The following SLC23A2 variants were observed in gnomAD, a reference collection of about 807,000 sequenced individuals.
SLC23A2 encodes solute carrier family 23 member 2, also known as Na(+)/L-ascorbic acid transporter 2.
SLC23A2 carries 36 observed loss-of-function variants against 73.3 expected under a neutral mutation model. That is an observed-to-expected ratio of 0.49 (90% CI 0.38 to 0.65). SLC23A2 has a LOEUF of 0.65. Ranked by LOEUF, SLC23A2 falls within the 30% of genes least tolerant of loss-of-function variation. The pLI is 0.00. For missense variants in SLC23A2, 507 were observed against 841.6 expected, an observed-to-expected ratio of 0.60 and a Z score of 4.92; for synonymous variants, 343 against 327.3, an observed-to-expected ratio of 1.05 and a Z score of -0.52.
At chr20:4,951,109 G>T (rs1447873983) in intron 2 of SLC23A2, among the ~76,000 whole-genome samples, 1 of 152,170 alleles carries the variant, frequency 6.6e-6, no homozygotes, top group Non-Finnish European at 1.5e-5. Context: ...AGGACATGCT[G>T]TGAAGACTCT....
chr20:4,924,922 C>T (rs185975187), intron 3 of SLC23A2, among the ~76,000 whole-genome samples: 4 of 152,322 alleles, frequency 2.6e-5, no homozygotes, highest in Admixed American at 2.6e-4. Flanking sequence ...AAGTGGCTCC[C>T]ACCTGTAATC....
At chr20:4,938,678 T>G (rs746650103) in intron 2 of SLC23A2, among the ~76,000 whole-genome samples, 2 of 152,190 alleles carry the variant, frequency 1.3e-5, no homozygotes, top group African/African-American at 4.8e-5. Context: ...AGTAGCATGA[T>G]GCTTCAACAG....
intron 2 of SLC23A2, among the ~76,000 whole-genome samples, chr20:4,961,311 T>C (rs1480678575): frequency 6.6e-6 from 1 of 152,022 alleles, no homozygotes; most frequent in Non-Finnish European, 1.5e-5. Flanking sequence ...TCGATCTCCC[T>C]GACCTCATGA....
At position 4,899,448 on chromosome 20, in the gene SLC23A2, C is replaced by A; in HGVS notation, c.482+107G>T. On this transcript the variant is annotated intron_variant, in intron 6 of 16. Transcript: ENST00000338244. This position sits in a 1 kb window ranked among gnomAD's most constrained non-coding sequence, Gnocchi z 4.9. The stretch of plus-strand genomic sequence containing the variant: ...CGGCCACTAGGACATTCCCGTGCCT[C>A]CATTCTGTCCTTGCCAACAGCCCTA... 7.6e-7 allele frequency: 1 copy of A among 1,312,200 alleles called. No individual in the cohort carries two copies. The highest frequency in any genetic ancestry group is 1.1e-6 in the Non-Finnish European group (1 of 923,618). 81.3% of individuals were successfully genotyped at this position (1,312,200 alleles called of 1,614,324 possible).
intron 2 of SLC23A2, among the ~76,000 whole-genome samples, chr20:4,961,170 C>T (rs1314103999): frequency 3.3e-5 from 5 of 149,850 alleles, no homozygotes; most frequent in East Asian, 3.9e-4. Context: ...TGCGGCGGCA[C>T]GATCTTGGCT....
intron 2 of SLC23A2, among the ~76,000 whole-genome samples, chr20:4,935,186 C>CAAAAAA (rs34200051): frequency 1.3e-4 from 9 of 68,090 alleles, no homozygotes; most frequent in Admixed American, 3.3e-4. Flanking sequence ...GACTCCGTCT[C>CAAAAAA]AAAAAAAAAA....
intron 13 of SLC23A2, among the ~76,000 whole-genome samples, chr20:4,866,926 A>C (rs1930222957): frequency 6.6e-6 from 1 of 152,006 alleles, no homozygotes; most frequent in South Asian, 2.1e-4. Context: ...TCTTAGTTTC[A>C]CAACATACCA....
chr20:4,862,172 C>G lies in SLC23A2; in HGVS notation c.1487-87G>C, dbSNP rs895768794. On this transcript the variant is annotated intron_variant, in intron 14 of 16. Coordinates refer to ENST00000338244, the MANE Select transcript of SLC23A2 (RefSeq NM_005116.6). The surrounding 1 kb of genome is among the most constrained non-coding windows in gnomAD (Gnocchi z 5.1). ...AGGTGAGGGCAGGCTCCCTGGCACC[C>G]CTTCTCTGTCCAACAGAAACCAATG... 3 of 1,336,358 alleles carry G rather than the reference C, an allele frequency of 2.2e-6. No individual in the cohort carries two copies. Among genetic ancestry groups the G allele is most frequent in the Non-Finnish European group, 3.1e-6 (3 of 953,498 alleles). The allele number at this position is 1,336,358 out of a possible 1,614,324, so 82.8% of individuals were successfully genotyped here.
intron 6 of SLC23A2, among the ~76,000 whole-genome samples, chr20:4,886,860 G>T (rs990124224): frequency 5.3e-5 from 8 of 152,172 alleles, no homozygotes; most frequent in Non-Finnish European, 1.2e-4. Flanking sequence ...GGCCTGGCCA[G>T]CGAGACAGGG....
chr20:4,870,767 C>T lies in SLC23A2; in HGVS notation c.1103-714G>A, dbSNP rs1246611388. ...CAGGGTACAAAGCAGCAGTGGCCTT[C>T]CCCAGGGGAGGACATCAAGTGAAAA... On this transcript the variant is annotated intron_variant, in intron 11 of 16. Coordinates refer to ENST00000338244, the MANE Select transcript of SLC23A2 (RefSeq NM_005116.6). 2.0e-5 allele frequency among the ~76,000 whole-genome samples: 3 copies of T among 152,106 alleles called. No individual in the cohort carries two copies. In the East Asian group the frequency reaches 5.8e-4, roughly 29 times the overall value.
In SLC23A2 at chr20:4,852,949, C is replaced by T. The variant is rs1274445050; in HGVS notation, c.*4023G>A. 2 of 152,614 alleles carry T rather than the reference C, an allele frequency of 1.3e-5. No homozygotes were observed. The highest frequency in any genetic ancestry group is 1.9e-4 in the East Asian group (1 of 5,202). 9.5% of individuals were successfully genotyped at this position (152,614 alleles called of 1,614,324 possible). A position where few individuals can be genotyped will look rare whatever the true frequency, so the allele number is the denominator to read the frequency against. On this transcript the variant is annotated 3_prime_UTR_variant, in exon 17 of 17. Coordinates refer to ENST00000338244, the MANE Select transcript of SLC23A2 (RefSeq NM_005116.6). This position sits in a 1 kb window ranked among gnomAD's most constrained non-coding sequence, Gnocchi z 4.3. The stretch of plus-strand genomic sequence containing the variant: ...TGTGCCTTATGGGTCCATGGGCAGA[C>T]GCTGAACGCTGGCAAAACCGGGTGG...
chr20:4,921,773 A>C (rs534944026), intron 3 of SLC23A2, among the ~76,000 whole-genome samples: 6 of 152,320 alleles, frequency 3.9e-5, no homozygotes, highest in Admixed American at 1.3e-4. Flanking sequence ...GTAAATGAAG[A>C]AAGTTACACA....
In SLC23A2 at chr20:4,863,034, A is replaced by C. The variant is rs1930041493; in HGVS notation, c.1357-127T>G. The C allele has an allele frequency of 1.2e-6, 1 of 858,552 alleles. No homozygotes were observed. Among genetic ancestry groups the C allele is most frequent in the Non-Finnish European group, 1.8e-6 (1 of 567,200 alleles). The allele number at this position is 858,552 out of a possible 1,614,324, so 53.2% of individuals were successfully genotyped here. A position where few individuals can be genotyped will look rare whatever the true frequency, so the allele number is the denominator to read the frequency against. ...GCTACCTTCACCTCCTCCTCAGCCC[A>C]CTCTTCTCACCTCCACTGTGGGGAC... On this transcript the variant is annotated intron_variant, in intron 13 of 16. Coordinates refer to ENST00000338244, the MANE Select transcript of SLC23A2 (RefSeq NM_005116.6). This position sits in a 1 kb window ranked among gnomAD's most constrained non-coding sequence, Gnocchi z 4.8.
intron 6 of SLC23A2, among the ~76,000 whole-genome samples, chr20:4,893,126 G>A (rs1466761513): frequency 2.0e-5 from 3 of 151,468 alleles, no homozygotes; most frequent in Admixed American, 1.3e-4. Context: ...ATGCAGTGGC[G>A]TGATCATGGC....
intron 1 of SLC23A2, among the ~76,000 whole-genome samples, chr20:4,975,228 A>T (rs1338273651): frequency 6.6e-6 from 1 of 152,216 alleles, no homozygotes; most frequent in African/African-American, 2.4e-5. Flanking sequence ...GGAAATGAAA[A>T]AGCTTCCCAA....
chr20:4,985,233 C>A (rs934170260), intron 1 of SLC23A2, among the ~76,000 whole-genome samples: 5 of 151,534 alleles, frequency 3.3e-5, no homozygotes, highest in African/African-American at 1.2e-4. Context: ...GATGATCACA[C>A]AAAAACTTGT....
chr20:4,994,122 AG>A (rs1309195821), intron 1 of SLC23A2, among the ~76,000 whole-genome samples: 1 of 152,178 alleles, frequency 6.6e-6, no homozygotes, highest in Non-Finnish European at 1.5e-5. Flanking sequence ...GAAAATTCTC[AG>A]CACTGACCAC....
intron 1 of SLC23A2, among the ~76,000 whole-genome samples, chr20:4,990,048 C>T (rs73601316): frequency 0.013 from 1,932 of 152,202 alleles, 37 homozygotes; most frequent in African/African-American, 0.042. Context: ...CAAAATTACA[C>T]GGCAAACTTA....
At chr20:4,990,593 G>A (rs1180306650) in intron 1 of SLC23A2, among the ~76,000 whole-genome samples, 2 of 139,792 alleles carry the variant, frequency 1.4e-5, no homozygotes, top group Non-Finnish European at 1.5e-5. Context: ...GGCTGGTCTT[G>A]AACTCCTGGC....
Sources: allele counts gnomAD v4.1 joint callset (sites outside exome capture counted in the v4.1 genomes callset), GRCh38; gene constraint gnomAD v4.1.1; non-coding constraint Gnocchi (gnomAD v3.1); transcripts MANE v1.5; gene names NCBI Gene and HGNC (gene_info 2026-07-23, HGNC 2026-07-21).